Variants in GPM6A observed in about 807,000 individuals in gnomAD.
The protein encoded by GPM6A is glycoprotein M6A.
A neutral mutation model predicts 32.1 loss-of-function variants in GPM6A; 7 were observed. The observed-to-expected ratio is 0.22, with a 90% CI of 0.12 to 0.41. The LOEUF is 0.41. Among genes scored for constraint, GPM6A ranks in the 10% least tolerant of loss-of-function variants. The probability of loss-of-function intolerance (pLI) is 1.00; values close to 1 mark genes in which losing one functional copy is unlikely to be tolerated. For synonymous variants in GPM6A, 130 were observed against 123.4 expected (o/e 1.05, Z -0.35); for missense variants, 235 against 347.2 (o/e 0.68, Z 2.57).
intron 1 of GPM6A, among the ~76,000 whole-genome samples, chr4:175,858,347 C>T (rs1736476206): frequency 6.6e-6 from 1 of 152,036 alleles, no homozygotes; most frequent in African/African-American, 2.4e-5. Flanking sequence ...GCTTGGCCAA[C>T]ACAAAGAAAC....
chr4:175,838,112 G>GACACACACACACACAC (rs10548625), intron 1 of GPM6A, among the ~76,000 whole-genome samples: 119 of 141,976 alleles, frequency 8.4e-4, no homozygotes, highest in African/African-American at 3.0e-3. Context: ...CACACACACA[G>GACACACACACACACAC]ACACACACAC....
chr4:175,817,135 G>A (rs1426702086), upstream of GPM6A, among the ~76,000 whole-genome samples: 2 of 152,162 alleles, frequency 1.3e-5, no homozygotes, highest in African/African-American at 4.8e-5. Flanking sequence ...TGGGATTACG[G>A]GCGTGAGCCA....
chr4:175,993,690 G>A (rs760931339), intron 1 of GPM6A, among the ~76,000 whole-genome samples: 7 of 152,294 alleles, frequency 4.6e-5, no homozygotes, highest in Non-Finnish European at 8.8e-5. Context: ...ATAGCTTGAT[G>A]ATAAGAGTAT....
At chr4:175,837,183 A>G (rs1290585884) in intron 1 of GPM6A, among the ~76,000 whole-genome samples, 1 of 152,036 alleles carries the variant, frequency 6.6e-6, no homozygotes, top group Non-Finnish European at 1.5e-5. Flanking sequence ...AGATGAAGGA[A>G]AGGGCCAGGA....
intron 1 of GPM6A, among the ~76,000 whole-genome samples, chr4:175,731,247 G>A (rs1265561870): frequency 6.6e-6 from 1 of 152,018 alleles, no homozygotes; most frequent in Non-Finnish European, 1.5e-5. Context: ...CACTGCAGCC[G>A]ATAGACTGGA....
intron 4 of GPM6A, chr4:175,642,092 T>A (rs1383546697): frequency 4.6e-5 from 7 of 152,230 alleles, no homozygotes; most frequent in African/African-American, 7.2e-5. Context: ...TAGTTTGTCC[T>A]TTGCCAATAG....
chr4:175,872,910 G>A (rs927561551), intron 1 of GPM6A, among the ~76,000 whole-genome samples: 2 of 151,938 alleles, frequency 1.3e-5, no homozygotes, highest in African/African-American at 4.8e-5. Context: ...ATACTCTCTG[G>A]GTTTACAGAT....
At chr4:175,797,757 T>C (rs935111533) in intron 1 of GPM6A, among the ~76,000 whole-genome samples, 2 of 152,228 alleles carry the variant, frequency 1.3e-5, no homozygotes, top group African/African-American at 2.4e-5. Context: ...GGCAAAATTA[T>C]AGCGGTGTTG....
At chr4:175,690,778 A>G (rs1744252297) in intron 2 of GPM6A, among the ~76,000 whole-genome samples, 1 of 152,190 alleles carries the variant, frequency 6.6e-6, no homozygotes, top group African/African-American at 2.4e-5. Flanking sequence ...TGTAATCACA[A>G]CTTCAAAGTC....
chr4:175,966,793 T>C (rs530757350), intron 1 of GPM6A, among the ~76,000 whole-genome samples: 4 of 152,278 alleles, frequency 2.6e-5, no homozygotes, highest in Non-Finnish European at 5.9e-5. Context: ...TGATATCTTA[T>C]ATCTATAAAA....
chr4:175,787,496 T>C, intron 1 of GPM6A: 1 of 1,475,854 alleles, frequency 6.8e-7, no homozygotes, highest in Admixed American at 2.3e-5. Flanking sequence ...TCACTATTTT[T>C]GGTCCTTTTT....
At chr4:175,668,859 C>G (rs1042103529) in intron 3 of GPM6A, among the ~76,000 whole-genome samples, 1 of 152,120 alleles carries the variant, frequency 6.6e-6, no homozygotes, top group Non-Finnish European at 1.5e-5. Context: ...AAAAGACCCT[C>G]GTAAACAGAT....
At chr4:175,651,168 A>G (rs562577701) in intron 4 of GPM6A, among the ~76,000 whole-genome samples, 34 of 152,270 alleles carry the variant, frequency 2.2e-4, no homozygotes, top group African/African-American at 8.2e-4. Context: ...ACTGTGCCTC[A>G]GTTTTGTCAT....
At chr4:175,835,925 T>C (rs1013459473) in intron 1 of GPM6A, among the ~76,000 whole-genome samples, 1 of 148,594 alleles carries the variant, frequency 6.7e-6, no homozygotes, top group Non-Finnish European at 1.5e-5. Flanking sequence ...CATAAAGGTG[T>C]AGAACGTGGA....
At chr4:175,887,560 T>C (rs1737500535) in intron 1 of GPM6A, among the ~76,000 whole-genome samples, 1 of 151,864 alleles carries the variant, frequency 6.6e-6, no homozygotes, top group South Asian at 2.1e-4. Context: ...GAGTAATTAA[T>C]AGAATTTAAA....
At chr4:175,942,235 C>G (rs1739437323) in intron 1 of GPM6A, among the ~76,000 whole-genome samples, 2 of 151,910 alleles carry the variant, frequency 1.3e-5, no homozygotes, top group African/African-American at 4.8e-5. Flanking sequence ...TTGTTTTTTT[C>G]TTCTAAATTT....
chr4:175,826,893 T>G (rs553703818), intron 1 of GPM6A, among the ~76,000 whole-genome samples: 9 of 152,192 alleles, frequency 5.9e-5, no homozygotes, highest in Non-Finnish European at 1.3e-4. Context: ...CTCCACTCTG[T>G]GTGAAGATGT....
In GPM6A at chr4:175,932,697, G is replaced by C. The variant is rs181917211; in HGVS notation, c.-23+69612C>G. The stretch of plus-strand genomic sequence containing the variant: ...GGTAACAATTTTACAAAGAGAAGGA[G>C]GTAGAATAGAAGAACACTGTTTTAT... On this transcript the variant is annotated intron_variant, in intron 1 of 7. Coordinates refer to the GPM6A transcript ENST00000280187. 2.0e-3 allele frequency among the ~76,000 whole-genome samples: 309 copies of C among 152,038 alleles called. 2 individuals carry two copies. The highest frequency in any genetic ancestry group is 6.8e-3 in the African/African-American group (284 of 41,484).
At chr4:175,816,711 T>C (rs1579535345), upstream of GPM6A, among the ~76,000 whole-genome samples, 3 of 152,184 alleles carry the variant, frequency 2.0e-5, no homozygotes, top group East Asian at 1.9e-4. Flanking sequence ...CTACGTCAAA[T>C]GTTTCAGACA....
Sources: allele counts gnomAD v4.1 joint callset (sites outside exome capture counted in the v4.1 genomes callset), GRCh38; gene constraint gnomAD v4.1.1; transcripts MANE v1.5; gene names NCBI Gene and HGNC (gene_info 2026-07-23, HGNC 2026-07-21).